The following GRM8 variants were observed in gnomAD, a reference collection of about 807,000 sequenced individuals.
The protein encoded by GRM8 is metabotropic glutamate receptor 8.
In GRM8, 47 loss-of-function variants were observed where a neutral mutation model predicts 87.2. The observed-to-expected ratio is 0.54, with a 90% confidence interval of 0.43 to 0.69. The LOEUF is 0.69. Among genes scored for constraint, GRM8 ranks in the 30% least tolerant of loss-of-function variants. GRM8 has a pLI of 0.00. For synonymous variants in GRM8, 396 were observed against 404.5 expected (o/e 0.98, Z 0.25); for missense variants, 1,019 against 1,139.2 (o/e 0.89, Z 1.52).
chr7:126,933,538 T>A (rs2131463397), intron 3 of GRM8, among the ~76,000 whole-genome samples: 1 of 152,192 alleles, frequency 6.6e-6, no homozygotes, highest in East Asian at 1.9e-4. Context: ...GCACCTGGTG[T>A]TCTTAGCACT....
intron 9 of GRM8, among the ~76,000 whole-genome samples, chr7:126,531,094 T>C (rs1290253276): frequency 6.6e-6 from 1 of 152,216 alleles, no homozygotes; most frequent in African/African-American, 2.4e-5. Flanking sequence ...TAGCAAATTT[T>C]CAGATGTAGA....
At chr7:127,149,194 T>G (rs1160525229) in intron 2 of GRM8, among the ~76,000 whole-genome samples, 1 of 151,982 alleles carries the variant, frequency 6.6e-6, no homozygotes, top group Non-Finnish European at 1.5e-5. Flanking sequence ...GGAGTTAATA[T>G]CTAAAATGTA....
intron 2 of GRM8, among the ~76,000 whole-genome samples, chr7:127,203,405 C>G (rs913775991): frequency 1.3e-5 from 2 of 152,148 alleles, no homozygotes; most frequent in Admixed American, 6.5e-5. Context: ...TGCACATACA[C>G]CCCCTGAATC....
chr7:126,447,239 G>A (rs1297075799), intron 9 of GRM8: 2 of 151,398 alleles, frequency 1.3e-5, no homozygotes, highest in African/African-American at 4.8e-5. Flanking sequence ...TTCTTTTTTG[G>A]TTATGGTATA....
chr7:126,808,062 T>C (rs1416454143), intron 6 of GRM8, among the ~76,000 whole-genome samples: 1 of 152,216 alleles, frequency 6.6e-6, no homozygotes. Context: ...GATTGGGCTA[T>C]AATTCAATCA....
At chr7:127,212,217 G>A (rs1158563497) in intron 2 of GRM8, among the ~76,000 whole-genome samples, 1 of 152,160 alleles carries the variant, frequency 6.6e-6, no homozygotes, top group African/African-American at 2.4e-5. Flanking sequence ...GCTAGACAGA[G>A]ATTCCAAGTG....
intron 6 of GRM8, among the ~76,000 whole-genome samples, chr7:126,792,883 A>G (rs1273582020): frequency 1.3e-5 from 2 of 152,150 alleles, no homozygotes. Context: ...CTCCTTCTGC[A>G]CTGCCCCTCG....
chr7:126,933,658 T>C (rs1805991940), intron 3 of GRM8, among the ~76,000 whole-genome samples: 1 of 152,192 alleles, frequency 6.6e-6, no homozygotes. Flanking sequence ...GGTTCAAATC[T>C]TGGTTCCAAC....
chr7:126,778,580 A>AT (rs1409371960), intron 6 of GRM8, among the ~76,000 whole-genome samples: 1 of 152,154 alleles, frequency 6.6e-6, no homozygotes, highest in African/African-American at 2.4e-5. Context: ...AATTATTTGC[A>AT]TTTTTCTACA....
intron 9 of GRM8, among the ~76,000 whole-genome samples, chr7:126,490,356 T>G (rs536431370): frequency 3.9e-5 from 6 of 152,170 alleles, no homozygotes; most frequent in Admixed American, 3.9e-4. Flanking sequence ...GGTAGCATAT[T>G]CTGCTGAATA....
At chr7:127,154,858 C>T (rs750031976) in intron 2 of GRM8, among the ~76,000 whole-genome samples, 40 of 151,892 alleles carry the variant, frequency 2.6e-4, no homozygotes, top group Non-Finnish European at 4.1e-4. Flanking sequence ...AGTTTTTGAA[C>T]TCAAACTGTC....
chr7:127,025,863 T>A (rs1816727778), intron 3 of GRM8, among the ~76,000 whole-genome samples: 1 of 152,090 alleles, frequency 6.6e-6, no homozygotes, highest in East Asian at 1.9e-4. Flanking sequence ...GTGATTTATA[T>A]ATATATACTT....
At chr7:126,792,270 A>T (rs531269119) in intron 6 of GRM8, among the ~76,000 whole-genome samples, 60 of 152,326 alleles carry the variant, frequency 3.9e-4, no homozygotes, top group Non-Finnish European at 6.2e-4. Context: ...TCTTTTAACC[A>T]ATAGCTATTG....
At chr7:127,221,495 G>A (rs772173671) in intron 2 of GRM8, among the ~76,000 whole-genome samples, 7 of 152,166 alleles carry the variant, frequency 4.6e-5, no homozygotes, top group Non-Finnish European at 1.0e-4. Context: ...CGTAGCTCAA[G>A]ACTGGTTGAT....
chr7:127,027,798 C>T (rs1337235662), intron 3 of GRM8, among the ~76,000 whole-genome samples: 1 of 152,166 alleles, frequency 6.6e-6, no homozygotes, highest in African/African-American at 2.4e-5. Context: ...TTGACTTCCT[C>T]TTTTCCTAAT....
intron 9 of GRM8, among the ~76,000 whole-genome samples, chr7:126,523,689 G>A (rs573109288): frequency 4.1e-4 from 62 of 152,056 alleles, no homozygotes; most frequent in Non-Finnish European, 7.6e-4. Context: ...GTGGAGATGC[G>A]GTATCGCCAG....
At chr7:126,776,299 G>A (rs1362004) in intron 6 of GRM8, among the ~76,000 whole-genome samples, 11 of 151,960 alleles carry the variant, frequency 7.2e-5, no homozygotes, top group South Asian at 2.1e-4. Flanking sequence ...ATGTTTTAGA[G>A]GCCAAATTGA....
intron 3 of GRM8, among the ~76,000 whole-genome samples, chr7:126,941,684 ATAGTTAACTTT>A (rs1477901995): frequency 2.0e-5 from 3 of 152,182 alleles, no homozygotes; most frequent in African/African-American, 7.2e-5. Flanking sequence ...ATTTTTTTAA[ATAGTTAACTTT>A]TACTTCCAGA....
chr7:127,178,827 A>G (rs949408569), intron 2 of GRM8, among the ~76,000 whole-genome samples: 1 of 152,190 alleles, frequency 6.6e-6, no homozygotes, highest in African/African-American at 2.4e-5. Flanking sequence ...CACTACAAGA[A>G]CTGCTAAAGG....
Sources: allele counts gnomAD v4.1 joint callset (sites outside exome capture counted in the v4.1 genomes callset), GRCh38; gene constraint gnomAD v4.1.1; transcripts MANE v1.5; gene names NCBI Gene and HGNC (gene_info 2026-07-23, HGNC 2026-07-21).